Variants in TBC1D10A observed in about 807,000 individuals in gnomAD.
The protein encoded by TBC1D10A is EBP50-PDX interactor of 64 kDa.
TBC1D10A carries 24 observed loss-of-function variants against 52.9 expected under a neutral mutation model. The observed-to-expected ratio is 0.45, with a 90% CI of 0.33 to 0.64. The LOEUF (loss-of-function observed/expected upper bound fraction) is 0.64. Among genes scored for constraint, TBC1D10A ranks in the 30% least tolerant of loss-of-function variants. The pLI, the probability that TBC1D10A is intolerant of heterozygous loss-of-function variation, is 0.02. For synonymous variants in TBC1D10A, 278 were observed against 282.9 expected (o/e 0.98, Z 0.17); for missense variants, 602 against 687.9 (o/e 0.88, Z 1.40).
chr22:30,292,026 T>A lies in TBC1D10A; in HGVS notation c.*349A>T, dbSNP rs1395929664. The stretch of plus-strand genomic sequence containing the variant: ...GGCTGTTTATTTCTGTACAAAACCA[T>A]GTTTCTATTTTACACAAAGAACACC... On this transcript the variant is annotated 3_prime_UTR_variant, in exon 9 of 9. Transcript: ENST00000215790. 1 of 239,380 alleles carries A rather than the reference T, an allele frequency of 4.2e-6. No homozygotes were observed. 14.8% of individuals were successfully genotyped at this position (239,380 alleles called of 1,614,324 possible).
In TBC1D10A at chr22:30,303,306, T is replaced by TAGACAGATAGAC. The variant is rs1555973499; in HGVS notation, c.309+1224_309+1225insGTCTATCTGTCT. ...ATAAATAGTTAGATAGATAGATAGA[T>TAGACAGATAGAC]AGACAGACAGACAGACAGACAGACA... On this transcript the variant is annotated intron_variant, in intron 2 of 8. Transcript: ENST00000215790. Among the ~76,000 whole-genome samples, 140 of 149,024 alleles carry TAGACAGATAGAC rather than the reference T, an allele frequency of 9.4e-4. 1 individual carries two copies. The highest frequency in any genetic ancestry group is 3.4e-3 in the African/African-American group (134 of 39,340).
At chr22:30,302,766 T>C (rs1930227842) in intron 2 of TBC1D10A, among the ~76,000 whole-genome samples, 1 of 152,140 alleles carries the variant, frequency 6.6e-6, no homozygotes, top group African/African-American at 2.4e-5. Context: ...AAAGGGGAAG[T>C]GTCAGCTGCT....
intron 1 of TBC1D10A, among the ~76,000 whole-genome samples, chr22:30,316,999 AC>A (rs1930551408): frequency 6.6e-6 from 1 of 152,034 alleles, no homozygotes; most frequent in South Asian, 2.1e-4. Flanking sequence ...TGATTGCACC[AC>A]TGCATTCCAG....
intron 1 of TBC1D10A, among the ~76,000 whole-genome samples, chr22:30,318,488 C>A (rs1395773875): frequency 2.0e-5 from 3 of 152,184 alleles, no homozygotes; most frequent in Non-Finnish European, 4.4e-5. Flanking sequence ...GGCAAGCCAG[C>A]CATACCAGGC....
chr22:30,293,646 T>G lies in TBC1D10A; in HGVS notation c.1050+5A>C. On this transcript the variant is annotated splice_donor_5th_base_variant and intron_variant, in intron 8 of 8. Transcript: ENST00000215790. ...CCCATGATAAGGGGCAGGCATGGGC[T>G]GTACCTCCTGGACCAGAAAGGCCTC... 6.2e-7 allele frequency: 1 copy of G among 1,604,026 alleles called. No homozygotes were observed. Among genetic ancestry groups the G allele is most frequent in the Non-Finnish European group, 8.5e-7 (1 of 1,172,744 alleles).
chr22:30,322,456 C>T (rs556962607), intron 1 of TBC1D10A, among the ~76,000 whole-genome samples: 9 of 152,144 alleles, frequency 5.9e-5, no homozygotes, highest in Admixed American at 6.6e-5. Context: ...TAAAGGTTCC[C>T]TGCGGAGTAG....
At chr22:30,309,241 ATT>A (rs5844902) in intron 1 of TBC1D10A, among the ~76,000 whole-genome samples, 1 of 145,804 alleles carries the variant, frequency 6.9e-6, no homozygotes, top group Non-Finnish European at 1.5e-5. Flanking sequence ...GTAATCTGCC[ATT>A]TTTTTTTTTT....
intron 3 of TBC1D10A, 27 bp from the exon 4 acceptor site, chr22:30,295,870 C>G (rs780171792): frequency 8.1e-6 from 13 of 1,598,070 alleles, no homozygotes; most frequent in Middle Eastern, 1.7e-4. Flanking sequence ...AAATTAGGGG[C>G]TGGGGAGGAT....
At chr22:30,319,018 T>C (rs148767910) in intron 1 of TBC1D10A, among the ~76,000 whole-genome samples, 1 of 151,764 alleles carries the variant, frequency 6.6e-6, no homozygotes, top group African/African-American at 2.4e-5. Flanking sequence ...TTCGTATCAT[T>C]CTACTGCCTC....
At chr22:30,307,059 T>G (rs1017771764) in intron 1 of TBC1D10A, among the ~76,000 whole-genome samples, 3 of 152,166 alleles carry the variant, frequency 2.0e-5, no homozygotes, top group African/African-American at 7.2e-5. Flanking sequence ...ACAGTCTATC[T>G]TATGAATTTG....
At chr22:30,309,849 C>A (rs1930390320) in intron 1 of TBC1D10A, among the ~76,000 whole-genome samples, 1 of 152,214 alleles carries the variant, frequency 6.6e-6, no homozygotes, top group Non-Finnish European at 1.5e-5. Flanking sequence ...TCTGCCCAAG[C>A]ACATCTCAGC....
intron 1 of TBC1D10A, among the ~76,000 whole-genome samples, chr22:30,321,249 G>A (rs563930527): frequency 6.6e-6 from 1 of 152,300 alleles, no homozygotes; most frequent in East Asian, 1.9e-4. Flanking sequence ...AGAGAAAATG[G>A]GAGGGCCTGC....
chr22:30,303,048 A>G (rs1930235097), intron 2 of TBC1D10A, among the ~76,000 whole-genome samples: 2 of 152,272 alleles, frequency 1.3e-5, no homozygotes, highest in Admixed American at 1.3e-4. Flanking sequence ...TGGGAGGCCA[A>G]CGCACATGGA....
intron 1 of TBC1D10A, among the ~76,000 whole-genome samples, chr22:30,321,428 C>T (rs1049657726): frequency 4.6e-5 from 7 of 152,240 alleles, no homozygotes; most frequent in African/African-American, 1.7e-4. Context: ...GAGTCAGAAT[C>T]TGGCCTGCCA....
intron 6 of TBC1D10A, 74 bp downstream of exon 6, chr22:30,294,722 C>T (rs1478418313): frequency 1.2e-6 from 2 of 1,600,462 alleles, no homozygotes; most frequent in Non-Finnish European, 1.7e-6. Flanking sequence ...GCAGGAGTTA[C>T]TATGAGAGAA....
At chr22:30,306,344 G>C (rs1312809184) in intron 1 of TBC1D10A, among the ~76,000 whole-genome samples, 1 of 152,174 alleles carries the variant, frequency 6.6e-6, no homozygotes, top group African/African-American at 2.4e-5. Context: ...ATGTCTATCT[G>C]ATACCTCAAC....
At position 30,293,740 on chromosome 22, in the gene TBC1D10A, CCTT is replaced by C. The variant is rs766136497; in HGVS notation, c.958_960del (p.Lys320del). On this transcript the variant is annotated inframe_deletion, in exon 8 of 9. Coordinates refer to ENST00000215790, the MANE Select transcript of TBC1D10A (RefSeq NM_031937.3). ...TCGTACTGGCCCTGGCAGGCTTTGA[CCTT>C]CTCAGGGGAGCCCAGCGCGTGCTTC... The C allele has an allele frequency of 1.9e-6, 3 of 1,613,458 alleles. No individual in the cohort carries two copies. Among genetic ancestry groups the C allele is most frequent in the Non-Finnish European group, 2.5e-6 (3 of 1,179,818 alleles).
At position 30,292,378 on chromosome 22, in the gene TBC1D10A, C is replaced by T. The variant is rs1469041641; in HGVS notation, c.1524G>A (p.Leu508=). ...LTSQESEDTY[L] Reference sequence around the variant, plus strand: ...CTGGAGGCCTTAGCTGCCAGGGTTACAAGTAGGTGTCCTCACTCTCTTGGG... The same window carrying T: ...CTGGAGGCCTTAGCTGCCAGGGTTATAAGTAGGTGTCCTCACTCTCTTGGG... The change falls in exon 9 of 9, where the codon TTG becomes TTA. Residue 508 remains leucine (L), a synonymous_variant. Transcript: ENST00000215790. 1.9e-6 allele frequency: 3 copies of T among 1,539,556 alleles called. No homozygotes were observed. The Admixed American group carries it at 6.1e-5, about 31-fold the overall frequency.
intron 6 of TBC1D10A, 129 bp from the exon 7 acceptor site, chr22:30,294,239 C>T (rs1198718587): frequency 5.0e-6 from 5 of 1,003,114 alleles, no homozygotes; most frequent in Non-Finnish European, 7.3e-6. Context: ...GTGTCTGCCT[C>T]TGCCAGGTGC....
Sources: gnomAD v4.1 joint callset for allele counts (sites outside exome capture counted in the v4.1 genomes callset) on GRCh38, gnomAD v4.1.1 for gene constraint, MANE v1.5 for transcripts, NCBI Gene and HGNC (gene_info 2026-07-23, HGNC 2026-07-21) for gene names.